PIAS1: variants seen among roughly 807,000 people sequenced by gnomAD.
PIAS1 encodes protein inhibitor of activated STAT 1.
PIAS1 carries 6 observed loss-of-function variants against 71.3 expected under a neutral mutation model. That is an observed-to-expected ratio of 0.08 (90% CI 0.05 to 0.17). PIAS1 has a LOEUF of 0.17. Ranked by LOEUF, PIAS1 falls within the 10% of genes least tolerant of loss-of-function variation. The probability of loss-of-function intolerance (pLI) is 1.00; values close to 1 mark genes in which losing one functional copy is unlikely to be tolerated. For synonymous variants in PIAS1, 303 were observed against 292.9 expected, an observed-to-expected ratio of 1.03 and a Z score of -0.35; for missense variants, 555 against 793.6, an observed-to-expected ratio of 0.70 and a Z score of 3.61.
At chr15:68,062,247 A>C (rs976014476) in intron 1 of PIAS1, among the ~76,000 whole-genome samples, 3 of 152,248 alleles carry the variant, frequency 2.0e-5, no homozygotes, top group Non-Finnish European at 4.4e-5. Flanking sequence ...TAATGATCTA[A>C]CAGTAAATAG....
At position 68,190,283 on chromosome 15, in the gene PIAS1, G is replaced by A. The variant is rs2093113128; in HGVS notation, c.*2448G>A. ...TAACCATTCAGTTGTCTTAATTTTAGTTCGTTCTACCCTGTGAGGAGTTTG... is the reference window on the plus strand; with the variant it reads ...TAACCATTCAGTTGTCTTAATTTTAATTCGTTCTACCCTGTGAGGAGTTTG... On this transcript the variant is annotated 3_prime_UTR_variant, in exon 14 of 14. Transcript: ENST00000249636. This position sits in a 1 kb window ranked among gnomAD's most constrained non-coding sequence, Gnocchi z 4.7. 1.3e-5 allele frequency: 2 copies of A among 152,128 alleles called. No homozygotes were observed. Among genetic ancestry groups the A allele is most frequent in the South Asian group, 4.1e-4 (2 of 4,828 alleles). The allele number at this position is 152,128 out of a possible 1,614,324, so 9.4% of individuals were successfully genotyped here. A position where few individuals can be genotyped will look rare whatever the true frequency, so the allele number is the denominator to read the frequency against.
chr15:68,082,119 A>G (rs2092234898), intron 1 of PIAS1, among the ~76,000 whole-genome samples: 1 of 152,164 alleles, frequency 6.6e-6, no homozygotes, highest in African/African-American at 2.4e-5. Context: ...AGCACTCTGT[A>G]CTGAGCCAAA....
chr15:68,122,183 C>A (rs1228541595), intron 2 of PIAS1, among the ~76,000 whole-genome samples: 2 of 152,032 alleles, frequency 1.3e-5, no homozygotes, highest in East Asian at 3.9e-4. Context: ...AGTACTTGGG[C>A]AAGTTGCTAG....
At chr15:68,091,222 G>A (rs2092330222) in intron 2 of PIAS1, among the ~76,000 whole-genome samples, 2 of 151,982 alleles carry the variant, frequency 1.3e-5, no homozygotes, top group Admixed American at 6.5e-5. Context: ...TGTCCATTCA[G>A]GGACAAGATA....
At chr15:68,122,845 A>G (rs763667794) in intron 2 of PIAS1, among the ~76,000 whole-genome samples, 21 of 152,196 alleles carry the variant, frequency 1.4e-4, no homozygotes, top group Non-Finnish European at 2.1e-4. Flanking sequence ...GCAATGCAGT[A>G]TCTGCAGTGA....
chr15:68,089,834 G>A (rs747105405), intron 2 of PIAS1, among the ~76,000 whole-genome samples: 3 of 151,898 alleles, frequency 2.0e-5, no homozygotes, highest in South Asian at 2.1e-4. Flanking sequence ...GGGATTACAG[G>A]TGTGAGCCAC....
chr15:68,174,325 T>C lies in PIAS1; in HGVS notation c.1169+433T>C, dbSNP rs2093008979. 6.6e-6 allele frequency among the ~76,000 whole-genome samples: 1 copy of C among 152,246 alleles called. No individual in the cohort carries two copies. The highest frequency in any genetic ancestry group is 2.1e-4 in the South Asian group (1 of 4,836). On this transcript the variant is annotated intron_variant, in intron 9 of 13. Coordinates refer to ENST00000249636, the MANE Select transcript of PIAS1 (RefSeq NM_016166.3). The surrounding 1 kb of genome is among the most constrained non-coding windows in gnomAD (Gnocchi z 4.0). The stretch of plus-strand genomic sequence containing the variant: ...CTATTTCTGGAGATTAGATCCACCT[T>C]CAGTCATGGTCTTCTTTTTCTTTTT...
chr15:68,134,679 C>A (rs866854851), intron 2 of PIAS1, among the ~76,000 whole-genome samples: 534 of 42,064 alleles, frequency 0.013, 96 homozygotes, highest in African/African-American at 0.025. Context: ...ATGACCCCCC[C>A]ACCTCCCTCC....
At chr15:68,079,258 A>T (rs541991891) in intron 1 of PIAS1, among the ~76,000 whole-genome samples, 3 of 152,092 alleles carry the variant, frequency 2.0e-5, no homozygotes, top group Non-Finnish European at 2.9e-5. Flanking sequence ...GTTTATTTCT[A>T]TGTGTTCATT....
intron 4 of PIAS1, 66 bp downstream of exon 4, chr15:68,142,403 C>G: frequency 1.7e-6 from 2 of 1,167,748 alleles, no homozygotes; most frequent in South Asian, 2.5e-5. Context: ...CAGTACGGGT[C>G]CAGTTAAGGT....
At chr15:68,141,250 C>G (rs1275077194) in intron 2 of PIAS1, among the ~76,000 whole-genome samples, 1 of 152,082 alleles carries the variant, frequency 6.6e-6, no homozygotes, top group Admixed American at 6.6e-5. Context: ...CTCATAACGG[C>G]ATACTTTAGA....
intron 2 of PIAS1, among the ~76,000 whole-genome samples, chr15:68,097,189 G>T (rs1166908712): frequency 6.6e-6 from 1 of 151,920 alleles, no homozygotes; most frequent in African/African-American, 2.4e-5. Context: ...TGTTAATGTG[G>T]TGTATTATAT....
At chr15:68,055,682 C>T (rs2091888295) in intron 1 of PIAS1, 1 of 408,892 alleles carries the variant, frequency 2.4e-6, no homozygotes, top group Non-Finnish European at 4.3e-6. Context: ...GAACTGACAT[C>T]TCTGTCAGAG....
intron 2 of PIAS1, among the ~76,000 whole-genome samples, chr15:68,138,144 G>A (rs749518909): frequency 4.6e-5 from 7 of 152,074 alleles, no homozygotes; most frequent in Non-Finnish European, 8.8e-5. Context: ...GCAAGACCCT[G>A]TCTCTAAAAA....
chr15:68,077,827 T>C (rs2092185331), intron 1 of PIAS1, among the ~76,000 whole-genome samples: 1 of 152,230 alleles, frequency 6.6e-6, no homozygotes, highest in South Asian at 2.1e-4. Context: ...TTACTCCTGT[T>C]ACTCGGAAAT....
At chr15:68,176,349 T>C (rs2093020039) in intron 10 of PIAS1, 125 bp from the exon 11 acceptor site, 5 of 508,370 alleles carry the variant, frequency 9.8e-6, no homozygotes, top group Middle Eastern at 2.9e-4. Flanking sequence ...CCACTGTTGG[T>C]TTTCTACTCT....
intron 11 of PIAS1, 78 bp downstream of exon 11, chr15:68,176,732 A>G: frequency 1.0e-6 from 1 of 989,582 alleles, no homozygotes; most frequent in Non-Finnish European, 1.5e-6. Context: ...CTTGCCAAAT[A>G]AAATGATTCT....
chr15:68,122,998 T>A (rs956053511), intron 2 of PIAS1, among the ~76,000 whole-genome samples: 1 of 152,060 alleles, frequency 6.6e-6, no homozygotes, highest in African/African-American at 2.4e-5. Flanking sequence ...AAGCTGTTTT[T>A]TTTTTTTTAA....
intron 8 of PIAS1, among the ~76,000 whole-genome samples, chr15:68,169,576 GAC>G (rs1298309407): frequency 1.3e-5 from 2 of 152,182 alleles, no homozygotes; most frequent in Non-Finnish European, 2.9e-5. Flanking sequence ...GGGAGGCTGA[GAC>G]AGGAGAATTG....
Sources: gnomAD v4.1 joint callset for allele counts (sites outside exome capture counted in the v4.1 genomes callset) on GRCh38, gnomAD v4.1.1 for gene constraint, Gnocchi (gnomAD v3.1) non-coding constraint, MANE v1.5 for transcripts, NCBI Gene and HGNC (gene_info 2026-07-23, HGNC 2026-07-21) for gene names.